The following PPFIBP2 variants were observed in gnomAD, a reference collection of about 807,000 sequenced individuals.
PPFIBP2 encodes liprin-beta-2.
In PPFIBP2, 118 loss-of-function variants were observed where a neutral mutation model predicts 118.3. The observed-to-expected ratio is 1.00, with a 90% CI of 0.86 to 1.16. The LOEUF (loss-of-function observed/expected upper bound fraction) is 1.16, where lower values mean the gene tolerates loss of function less well. Among genes scored for constraint, PPFIBP2 ranks in the 50% most tolerant of loss-of-function variants. PPFIBP2 has a pLI of 0.00. For missense variants in PPFIBP2, 1,195 were observed against 1,073.1 expected, an observed-to-expected ratio of 1.11 and a Z score of -1.59; for synonymous variants, 414 against 397.4, an observed-to-expected ratio of 1.04 and a Z score of -0.50.
At chr11:7,527,076 A>G (rs1429036875) in intron 1 of PPFIBP2, among the ~76,000 whole-genome samples, 1 of 150,600 alleles carries the variant, frequency 6.6e-6, no homozygotes, top group Non-Finnish European at 1.5e-5. Context: ...ACTGGTCACA[A>G]GAATGTCCTC....
chr11:7,542,591 A>G (rs1379703445), intron 1 of PPFIBP2, among the ~76,000 whole-genome samples: 1 of 151,946 alleles, frequency 6.6e-6, no homozygotes, highest in Non-Finnish European at 1.5e-5. Flanking sequence ...CTGCTTTATT[A>G]TTTTCCCCCC....
chr11:7,561,970 G>T (rs536532967), intron 2 of PPFIBP2, among the ~76,000 whole-genome samples: 1 of 152,176 alleles, frequency 6.6e-6, no homozygotes. Flanking sequence ...CATGGACCTG[G>T]GGAGTCGGGG....
intron 1 of PPFIBP2, among the ~76,000 whole-genome samples, chr11:7,514,568 G>A (rs766102753): frequency 1.3e-5 from 2 of 152,230 alleles, no homozygotes; most frequent in African/African-American, 2.4e-5. Flanking sequence ...GGTGGACACA[G>A]CGTGTGTCTA....
intron 1 of PPFIBP2, among the ~76,000 whole-genome samples, chr11:7,544,205 G>A (rs1852072583): frequency 2.0e-5 from 3 of 152,184 alleles, no homozygotes; most frequent in Non-Finnish European, 4.4e-5. Flanking sequence ...CCAGGGATGA[G>A]ACAGTGTCTC....
rs893515430 is a variant in PPFIBP2, at chr11:7,524,055, G to C, written c.-37+9934G>C. ...CAAACTTCTCCAAGTTGCTTCTGGC[G>C]AAAGGTTCAGAGAACTCTGCCAAAA... is the stretch of plus-strand genomic sequence containing the variant. On this transcript the variant is annotated intron_variant, in intron 1 of 23. Coordinates refer to ENST00000299492, the MANE Select transcript of PPFIBP2 (RefSeq NM_003621.5). 2.0e-5 allele frequency among the ~76,000 whole-genome samples: 3 copies of C among 152,238 alleles called. No individual in the cohort carries two copies. The East Asian group carries it at 5.8e-4, about 29-fold the overall frequency.
chr11:7,588,055 G>GA (rs1412357489), intron 3 of PPFIBP2, among the ~76,000 whole-genome samples: 1 of 152,142 alleles, frequency 6.6e-6, no homozygotes, highest in Non-Finnish European at 1.5e-5. Context: ...CATATCCCCT[G>GA]AAAAATCTCA....
At chr11:7,622,682 AC>A (rs1290468899) in intron 7 of PPFIBP2, among the ~76,000 whole-genome samples, 2 of 152,150 alleles carry the variant, frequency 1.3e-5, no homozygotes, top group African/African-American at 4.8e-5. Flanking sequence ...GGGCAGTCAG[AC>A]CCATCTGTGT....
intron 3 of PPFIBP2, among the ~76,000 whole-genome samples, chr11:7,566,876 C>G (rs1159994590): frequency 6.6e-6 from 1 of 152,138 alleles, no homozygotes; most frequent in African/African-American, 2.4e-5. Flanking sequence ...ATATTTTTCC[C>G]TGTACACCCA....
Position 7,632,674 on chromosome 11 carries a change from C to T in PPFIBP2, c.1069-193C>T, listed in dbSNP as rs1324953680. The T allele has an allele frequency of 2.1e-5, 11 of 521,534 alleles. No homozygotes were observed. In the Admixed American group the frequency reaches 3.3e-4, roughly 15 times the overall value. The allele number at this position is 521,534 out of a possible 1,614,324, so 32.3% of individuals were successfully genotyped here. A position where few individuals can be genotyped will look rare whatever the true frequency, so the allele number is the denominator to read the frequency against. On this transcript the variant is annotated intron_variant, in intron 11 of 23. Coordinates refer to ENST00000299492, the MANE Select transcript of PPFIBP2 (RefSeq NM_003621.5). Reference sequence around the variant, plus strand: ...GTCCAGGAAGGAGAGGCAAGCTGGCCCAGATGGACTGATAAGCCTACCACA... The same window carrying T: ...GTCCAGGAAGGAGAGGCAAGCTGGCTCAGATGGACTGATAAGCCTACCACA...
intron 2 of PPFIBP2, among the ~76,000 whole-genome samples, chr11:7,551,027 TTATATCTATATCTATAGA>T (rs1261524415): frequency 1.3e-5 from 2 of 151,984 alleles, no homozygotes; most frequent in Admixed American, 6.5e-5. Flanking sequence ...AAACTCCCCT[TTATATCTATATCTATAGA>T]TATAGATATC....
At chr11:7,525,855 G>A (rs4078086) in intron 1 of PPFIBP2, among the ~76,000 whole-genome samples, 9,447 of 152,200 alleles carry the variant, frequency 0.062, 315 homozygotes, top group Admixed American at 0.076. Flanking sequence ...GTGCAAAGCC[G>A]GTATCCCTGT....
At chr11:7,607,047 A>T (rs1847452738) in intron 5 of PPFIBP2, among the ~76,000 whole-genome samples, 1 of 150,596 alleles carries the variant, frequency 6.6e-6, no homozygotes, top group Non-Finnish European at 1.5e-5. Flanking sequence ...AGTAGCTGGG[A>T]CTACAGGTGC....
intron 17 of PPFIBP2, 122 bp from the exon 18 acceptor site, chr11:7,648,265 T>G: frequency 8.8e-7 from 1 of 1,135,806 alleles, no homozygotes; most frequent in Non-Finnish European, 1.2e-6. Flanking sequence ...GGAGGTTGTT[T>G]GTTAAAAAAC....
rs186087657 is a variant in PPFIBP2 at position 7,594,055 on chromosome 11, G to A, written c.372+831G>A. On this transcript the variant is annotated intron_variant, in intron 4 of 23. Transcript: ENST00000299492. ...AGACTGGTGGTAGAATGAAGGGAGG[G>A]GTTGAGCGGGGCCTGGAACCCACCC... Among the ~76,000 whole-genome samples the A allele has an allele frequency of 2.6e-3, 399 of 152,242 alleles. 4 individuals carry two copies. Among genetic ancestry groups the A allele is most frequent in the African/African-American group, 8.6e-3 (357 of 41,530 alleles).
intron 8 of PPFIBP2, among the ~76,000 whole-genome samples, chr11:7,626,092 C>T (rs1322817472): frequency 2.6e-5 from 4 of 152,186 alleles, no homozygotes; most frequent in Non-Finnish European, 4.4e-5. Flanking sequence ...TATAATGCAG[C>T]GCTCTTGTGG....
intron 6 of PPFIBP2, among the ~76,000 whole-genome samples, chr11:7,615,492 T>C (rs991250801): frequency 1.3e-5 from 2 of 151,752 alleles, no homozygotes; most frequent in Non-Finnish European, 2.9e-5. Context: ...GGGATGAAAA[T>C]AGATGTGTTC....
intron 1 of PPFIBP2, among the ~76,000 whole-genome samples, chr11:7,538,666 C>A (rs1210514422): frequency 6.6e-6 from 1 of 152,192 alleles, no homozygotes; most frequent in Non-Finnish European, 1.5e-5. Context: ...CAGAACTAGG[C>A]TCCAGCACAA....
chr11:7,575,040 G>A lies in PPFIBP2; in HGVS notation c.279+9273G>A, dbSNP rs576227116. On this transcript the variant is annotated intron_variant, in intron 3 of 23. Transcript: ENST00000299492. ...CCCACCTTTGTTCATCACACATTGAGTTGAGCTAACAGAGGAAATGGGCCC... is the reference window on the plus strand; with the variant it reads ...CCCACCTTTGTTCATCACACATTGAATTGAGCTAACAGAGGAAATGGGCCC... Among the ~76,000 whole-genome samples the A allele has an allele frequency of 2.6e-5, 4 of 152,034 alleles. No individual in the cohort carries two copies. In the East Asian group the frequency reaches 7.7e-4, roughly 29 times the overall value.
intron 1 of PPFIBP2, among the ~76,000 whole-genome samples, chr11:7,531,529 T>G (rs1392871683): frequency 6.6e-6 from 1 of 152,198 alleles, no homozygotes; most frequent in East Asian, 1.9e-4. Flanking sequence ...TGATGTGGTT[T>G]AAGGTCTGAG....
Sources: gnomAD v4.1 joint callset for allele counts (sites outside exome capture counted in the v4.1 genomes callset) on GRCh38, gnomAD v4.1.1 for gene constraint, MANE v1.5 for transcripts, NCBI Gene and HGNC (gene_info 2026-07-23, HGNC 2026-07-21) for gene names.